NRG3: variants seen among roughly 807,000 people sequenced by gnomAD.
NRG3 encodes pro-neuregulin-3, membrane-bound isoform.
In NRG3, 31 loss-of-function variants were observed where a neutral mutation model predicts 66.9. The observed-to-expected ratio is 0.46, with a 90% CI of 0.35 to 0.63. The LOEUF is 0.63. NRG3 is among the 20% of genes least tolerant of loss of function. NRG3 has a pLI of 0.00. For missense variants in NRG3, 910 were observed against 878.9 expected (o/e 1.04, Z -0.45); for synonymous variants, 393 against 359.4 (o/e 1.09, Z -1.06).
chr10:82,010,674 T>G (rs763681927), intron 1 of NRG3, among the ~76,000 whole-genome samples: 2 of 152,176 alleles, frequency 1.3e-5, no homozygotes, highest in Non-Finnish European at 2.9e-5. Context: ...ATTTCCTGAA[T>G]TACAAGGCAC....
intron 2 of NRG3, among the ~76,000 whole-genome samples, chr10:82,532,567 A>G (rs1847385611): frequency 1.4e-5 from 2 of 147,746 alleles, no homozygotes; most frequent in South Asian, 4.2e-4. Context: ...ATAGTACTAT[A>G]TATGTATATA....
At chr10:82,073,188 T>C (rs1308759224) in intron 1 of NRG3, among the ~76,000 whole-genome samples, 2 of 152,152 alleles carry the variant, frequency 1.3e-5, no homozygotes, top group Non-Finnish European at 2.9e-5. Context: ...TAGAACAATG[T>C]GTAATGTGTA....
chr10:82,037,224 G>A (rs1444725761), intron 1 of NRG3, among the ~76,000 whole-genome samples: 1 of 152,164 alleles, frequency 6.6e-6, no homozygotes, highest in African/African-American at 2.4e-5. Context: ...CTGCACTCCA[G>A]AGAACTATGA....
rs114406512 is a variant in NRG3, at chr10:82,084,721, G to A, written c.823+208558G>A. Among the ~76,000 whole-genome samples, 406 of 152,200 alleles carry A rather than the reference G, an allele frequency of 2.7e-3. 5 individuals carry two copies. Among genetic ancestry groups the A allele is most frequent in the African/African-American group, 8.8e-3 (363 of 41,482 alleles). On this transcript the variant is annotated intron_variant, in intron 1 of 8. Coordinates refer to ENST00000372141, the MANE Select transcript of NRG3 (RefSeq NM_001010848.4). ...GTCACTGTCAAATCACCCCCAGTGT[G>A]AGCCCACACGTTCAAGATTATTTCT...
intron 2 of NRG3, among the ~76,000 whole-genome samples, chr10:82,609,606 G>A (rs1484203275): frequency 6.6e-6 from 1 of 150,810 alleles, no homozygotes; most frequent in Non-Finnish European, 1.5e-5. Flanking sequence ...AAAAAAGAGA[G>A]AGAGAAAATT....
At chr10:82,557,890 C>T (rs896144758) in intron 2 of NRG3, among the ~76,000 whole-genome samples, 3 of 152,086 alleles carry the variant, frequency 2.0e-5, no homozygotes, top group African/African-American at 7.2e-5. Context: ...TGGCTTTGCA[C>T]CCAGAAGGTT....
At chr10:82,721,013 T>A (rs2057283351) in intron 2 of NRG3, among the ~76,000 whole-genome samples, 1 of 150,850 alleles carries the variant, frequency 6.6e-6, no homozygotes, top group African/African-American at 2.4e-5. Flanking sequence ...TGTATATGGA[T>A]ATCTATTTAA....
chr10:82,874,881 A>G (rs7090079), intron 4 of NRG3, among the ~76,000 whole-genome samples: 29,705 of 152,060 alleles, frequency 0.2, 3,641 homozygotes, highest in East Asian at 0.53. Context: ...CAAATGGCAA[A>G]GCAGTTCTGT....
intron 6 of NRG3, among the ~76,000 whole-genome samples, chr10:82,972,238 T>C (rs1851834860): frequency 6.6e-6 from 1 of 152,164 alleles, no homozygotes. Context: ...CTTAAATATA[T>C]ATATTTTGTT....
chr10:82,306,677 C>A (rs1656924585), intron 1 of NRG3, among the ~76,000 whole-genome samples: 1 of 131,666 alleles, frequency 7.6e-6, no homozygotes, highest in South Asian at 2.4e-4. Flanking sequence ...GCACTCCAGC[C>A]TGGGCGACAG....
intron 1 of NRG3, among the ~76,000 whole-genome samples, chr10:82,110,585 G>A (rs2067327089): frequency 6.6e-6 from 1 of 151,138 alleles, no homozygotes; most frequent in South Asian, 2.1e-4. Context: ...AGGGAGGAAA[G>A]TAGTCAGATA....
chr10:82,078,004 G>T (rs1166535046), intron 1 of NRG3, among the ~76,000 whole-genome samples: 5 of 152,154 alleles, frequency 3.3e-5, no homozygotes, highest in African/African-American at 9.6e-5. Flanking sequence ...GCAATCTCCA[G>T]TTGGGCCCTT....
chr10:82,469,829 A>G (rs1841065549), intron 2 of NRG3, among the ~76,000 whole-genome samples: 1 of 152,136 alleles, frequency 6.6e-6, no homozygotes, highest in African/African-American at 2.4e-5. Context: ...ATGAATGGAT[A>G]TTATCATTAT....
At chr10:82,120,964 C>T (rs1184013148) in intron 1 of NRG3, among the ~76,000 whole-genome samples, 1 of 152,058 alleles carries the variant, frequency 6.6e-6, no homozygotes, top group Non-Finnish European at 1.5e-5. Flanking sequence ...ATAATGGATG[C>T]CAGTTTAACT....
At chr10:82,294,434 AGTGTGTGTGTGTGT>A (rs35072007) in intron 1 of NRG3, among the ~76,000 whole-genome samples, 5 of 149,154 alleles carry the variant, frequency 3.4e-5, no homozygotes, top group Admixed American at 6.7e-5. Context: ...CTACTGATGA[AGTGTGTGTGTGTGT>A]GTGTGTGTGT....
intron 4 of NRG3, among the ~76,000 whole-genome samples, chr10:82,917,966 G>GTATATATATATATATATATATA (rs1216370656): frequency 6.5e-5 from 6 of 92,418 alleles, no homozygotes; most frequent in African/African-American, 2.0e-4. Flanking sequence ...GTGTGTGTGT[G>GTATATATATATATATATATATA]TGTGTATATA....
chr10:82,479,933 A>C (rs1274290073), intron 2 of NRG3, among the ~76,000 whole-genome samples: 1 of 152,234 alleles, frequency 6.6e-6, no homozygotes, highest in African/African-American at 2.4e-5. Flanking sequence ...GCGCCACTGC[A>C]CTCCAGCCTG....
intron 3 of NRG3, among the ~76,000 whole-genome samples, chr10:82,851,653 T>C (rs897512645): frequency 3.3e-5 from 5 of 152,170 alleles, no homozygotes; most frequent in Admixed American, 1.3e-4. Context: ...CCTAAGGCAA[T>C]GGAAGAAGAC....
At chr10:82,345,197 G>T (rs1317909641) in intron 1 of NRG3, among the ~76,000 whole-genome samples, 1 of 138,682 alleles carries the variant, frequency 7.2e-6, no homozygotes, top group Non-Finnish European at 1.5e-5. Context: ...ATGGTTTTAG[G>T]TCTAACGTTT....
Sources: allele counts gnomAD v4.1 joint callset (sites outside exome capture counted in the v4.1 genomes callset), GRCh38; gene constraint gnomAD v4.1.1; transcripts MANE v1.5; gene names NCBI Gene and HGNC (gene_info 2026-07-23, HGNC 2026-07-21).